Variants in ROS1 observed in about 807,000 individuals in gnomAD.
ROS1 encodes proto-oncogene tyrosine-protein kinase ROS.
A neutral mutation model predicts 273.5 loss-of-function variants in ROS1; 263 were observed. The ratio of observed to expected loss-of-function variants is 0.96; its 90% confidence interval spans 0.87 to 1.06. The LOEUF is 1.06. Ranked by LOEUF, ROS1 falls within the 50% of genes least tolerant of loss-of-function variation. The pLI, the probability that ROS1 is intolerant of heterozygous loss-of-function variation, is 0.00. For missense variants in ROS1, 2,833 were observed against 2,751.1 expected, an observed-to-expected ratio of 1.03 and a Z score of -0.67; for synonymous variants, 1,008 against 954.1, an observed-to-expected ratio of 1.06 and a Z score of -1.04.
In ROS1 at chr6:117,422,724, T is replaced by C. The variant is rs375028758; in HGVS notation, c.123+2810A>G. Among the ~76,000 whole-genome samples the C allele has an allele frequency of 3.3e-5, 5 of 152,180 alleles. No individual in the cohort carries two copies. In the East Asian group the frequency reaches 5.8e-4, roughly 18 times the overall value. On this transcript the variant is annotated intron_variant, in intron 1 of 43. Coordinates refer to ENST00000368507, the MANE Select transcript of ROS1 (RefSeq NM_001378902.1). ...AAGATACAAATCAAAAATAAATGTA[T>C]TGTCATCACCCTCTAATATTATAAA...
intron 4 of ROS1, 146 bp downstream of exon 4, chr6:117,414,373 T>C (rs1481037643): frequency 1.6e-6 from 1 of 639,292 alleles, no homozygotes; most frequent in Admixed American, 3.4e-5. Context: ...CAGTCATCTG[T>C]ATACTCAGAG....
intron 7 of ROS1, among the ~76,000 whole-genome samples, chr6:117,402,901 AAAAAG>A (rs1172931109): frequency 6.6e-6 from 1 of 151,546 alleles, no homozygotes; most frequent in African/African-American, 2.4e-5. Flanking sequence ...AAAAAAAAAA[AAAAAG>A]AAAAGAAAAG....
At chr6:117,359,714 T>A (rs962216705) in intron 24 of ROS1, 95 bp downstream of exon 24, 9 of 968,050 alleles carry the variant, frequency 9.3e-6, no homozygotes, top group Middle Eastern at 2.2e-4. Flanking sequence ...CTAATCTTAA[T>A]GACTAAACCG....
chr6:117,355,454 T>C (rs868274295), intron 26 of ROS1, among the ~76,000 whole-genome samples: 20 of 152,194 alleles, frequency 1.3e-4, no homozygotes, highest in African/African-American at 4.8e-4. Flanking sequence ...TTCAAAACTT[T>C]ACTGTATAAT....
intron 43 of ROS1, 24 bp downstream of exon 43, chr6:117,300,950 A>C: frequency 6.5e-7 from 1 of 1,529,448 alleles, no homozygotes; most frequent in Non-Finnish European, 8.7e-7. Context: ...CGAAAACTAG[A>C]AAATTCTGAA....
chr6:117,322,619 G>C (rs1689503188), intron 35 of ROS1, among the ~76,000 whole-genome samples: 1 of 152,092 alleles, frequency 6.6e-6, no homozygotes, highest in African/African-American at 2.4e-5. Context: ...CAGAAGCAAA[G>C]GCTGTCAACA....
intron 26 of ROS1, among the ~76,000 whole-genome samples, chr6:117,356,351 C>T (rs187035475): frequency 7.2e-5 from 11 of 152,240 alleles, no homozygotes; most frequent in African/African-American, 2.4e-4. Context: ...TAAAATAATG[C>T]ATTTAGTACA....
chr6:117,423,763 C>A (rs1428106568), intron 1 of ROS1, among the ~76,000 whole-genome samples: 1 of 151,724 alleles, frequency 6.6e-6, no homozygotes, highest in Non-Finnish European at 1.5e-5. Context: ...TTATAGATGA[C>A]CTTCAGAGTA....
At chr6:117,386,747 GGCA>G (rs1228296752) in intron 15 of ROS1, 139 bp downstream of exon 15, 1 of 482,784 alleles carries the variant, frequency 2.1e-6, no homozygotes, top group East Asian at 3.0e-5. Context: ...CAGAATCACT[GGCA>G]GTAGAGTTCA....
intron 43 of ROS1, among the ~76,000 whole-genome samples, chr6:117,294,135 T>A (rs538620498): frequency 6.6e-6 from 1 of 152,216 alleles, no homozygotes; most frequent in Non-Finnish European, 1.5e-5. Context: ...TCTCAAAAAA[T>A]TAGGCATGGA....
intron 36 of ROS1, among the ~76,000 whole-genome samples, chr6:117,320,787 A>C (rs1342234524): frequency 6.6e-6 from 1 of 152,126 alleles, no homozygotes; most frequent in African/African-American, 2.4e-5. Context: ...AAGACACTTG[A>C]ATATTTTCCT....
intron 31 of ROS1, among the ~76,000 whole-genome samples, chr6:117,340,434 G>A (rs908138511): frequency 2.6e-5 from 4 of 152,008 alleles, no homozygotes; most frequent in Non-Finnish European, 5.9e-5. Flanking sequence ...TTAAAAACAC[G>A]TACACATACA....
intron 7 of ROS1, among the ~76,000 whole-genome samples, 178 bp downstream of exon 7, chr6:117,402,961 T>G (rs1382590885): frequency 6.6e-6 from 1 of 152,168 alleles, no homozygotes; most frequent in Non-Finnish European, 1.5e-5. Context: ...ATTGTCTCTT[T>G]TGATCATAAA....
intron 43 of ROS1, among the ~76,000 whole-genome samples, chr6:117,295,045 T>C (rs1433302989): frequency 1.3e-5 from 2 of 152,142 alleles, no homozygotes; most frequent in Non-Finnish European, 2.9e-5. Context: ...ATCACATTAC[T>C]GGATTCAAAT....
chr6:117,299,616 T>G (rs1212579944), intron 43 of ROS1: 1 of 152,240 alleles, frequency 6.6e-6, no homozygotes, highest in East Asian at 1.9e-4. Context: ...AGTCAATCAC[T>G]GCAAATAGCA....
intron 43 of ROS1, among the ~76,000 whole-genome samples, chr6:117,290,995 G>A (rs150787298): frequency 7.2e-5 from 11 of 152,234 alleles, no homozygotes; most frequent in African/African-American, 2.6e-4. Context: ...AAATAATTAA[G>A]TTTAGGTTTG....
At position 117,326,395 on chromosome 6, in the gene ROS1, A is replaced by G. The variant is rs766461873; in HGVS notation, c.5368T>C (p.Leu1790=). ...TTCCACCTTAAATTCTGGTTCTGTA[A>G]ATTATTTGAAGTGCTCTTTCTGCAA... The part of the protein sequence containing the change: ...LEIRKSTSNN[L]QNQNLRWKMT... The change falls in exon 34 of 44, where the codon TTA becomes CTA. Residue 1790 remains leucine (L), a synonymous_variant. Coordinates refer to ENST00000368507, the MANE Select transcript of ROS1 (RefSeq NM_001378902.1). 1.3e-6 allele frequency: 2 copies of G among 1,553,174 alleles called. No individual in the cohort carries two copies. The highest frequency in any genetic ancestry group is 1.7e-6 in the Non-Finnish European group (2 of 1,157,358).
chr6:117,347,666 C>A (rs953556716), intron 27 of ROS1, among the ~76,000 whole-genome samples: 8 of 152,006 alleles, frequency 5.3e-5, no homozygotes, highest in African/African-American at 1.9e-4. Flanking sequence ...GTGAGAAAGC[C>A]TCTAATTTCT....
intron 16 of ROS1, 63 bp downstream of exon 16, chr6:117,385,620 T>G: frequency 7.1e-7 from 1 of 1,416,842 alleles, no homozygotes; most frequent in Non-Finnish European, 9.7e-7. Flanking sequence ...GAAATTGGTG[T>G]GCAAGTCACT....
Sources: gnomAD v4.1 joint callset for allele counts (sites outside exome capture counted in the v4.1 genomes callset) on GRCh38, gnomAD v4.1.1 for gene constraint, MANE v1.5 for transcripts, NCBI Gene and HGNC (gene_info 2026-07-23, HGNC 2026-07-21) for gene names.